The following IMMP2L variants were observed in gnomAD, a reference collection of about 807,000 sequenced individuals.
IMMP2L encodes the protein inner mitochondrial membrane peptidase subunit 2.
Under a neutral mutation model 19.3 loss-of-function variants are expected in IMMP2L, and 18 were observed. The observed-to-expected ratio is 0.93, with a 90% CI of 0.64 to 1.38. The LOEUF (loss-of-function observed/expected upper bound fraction) is 1.38, where lower values mean the gene tolerates loss of function less well. Ranked by LOEUF, IMMP2L falls within the 40% of genes most tolerant of loss-of-function variation. The pLI, the probability that IMMP2L is intolerant of heterozygous loss-of-function variation, is 0.00. For synonymous variants in IMMP2L, 76 were observed against 73.0 expected (o/e 1.04, Z -0.21); for missense variants, 233 against 218.2 (o/e 1.07, Z -0.43).
chr7:111,262,740 C>T (rs1394611755), intron 3 of IMMP2L, among the ~76,000 whole-genome samples: 2 of 152,098 alleles, frequency 1.3e-5, no homozygotes, highest in Non-Finnish European at 2.9e-5. Context: ...AATATTCCTG[C>T]TATGTGAAGT....
At chr7:111,037,436 T>C (rs2038922823) in intron 3 of IMMP2L, among the ~76,000 whole-genome samples, 1 of 152,118 alleles carries the variant, frequency 6.6e-6, no homozygotes, top group Non-Finnish European at 1.5e-5. Flanking sequence ...ATGAGTCTCC[T>C]TGGATAGGTT....
chr7:111,000,861 AC>A (rs368683919), intron 3 of IMMP2L, among the ~76,000 whole-genome samples: 2 of 146,084 alleles, frequency 1.4e-5, no homozygotes, highest in African/African-American at 2.6e-5. Flanking sequence ...AAAAAAAAAA[AC>A]AGATGGATGA....
At chr7:111,560,446 C>T (rs1258738857) in intron 1 of IMMP2L, among the ~76,000 whole-genome samples, 4 of 152,130 alleles carry the variant, frequency 2.6e-5, no homozygotes, top group Non-Finnish European at 4.4e-5. Context: ...AAGTTATCCT[C>T]ATCTAATTAT....
At chr7:111,407,284 A>C (rs1341128781) in intron 3 of IMMP2L, among the ~76,000 whole-genome samples, 1 of 152,036 alleles carries the variant, frequency 6.6e-6, no homozygotes, top group Non-Finnish European at 1.5e-5. Flanking sequence ...AATATATCAC[A>C]CAACTCAGCA....
intron 3 of IMMP2L, among the ~76,000 whole-genome samples, chr7:111,197,028 T>C (rs1005049234): frequency 2.6e-5 from 4 of 152,188 alleles, no homozygotes; most frequent in African/African-American, 9.7e-5. Flanking sequence ...CGAACTCTCT[T>C]GAATCCTCTT....
chr7:111,540,309 A>G (rs1387379521), intron 1 of IMMP2L, among the ~76,000 whole-genome samples: 1 of 152,184 alleles, frequency 6.6e-6, no homozygotes, highest in Non-Finnish European at 1.5e-5. Context: ...ATGAAGACTA[A>G]TAAGCAAAAA....
At chr7:110,700,800 A>G (rs1276104503) in intron 5 of IMMP2L, among the ~76,000 whole-genome samples, 1 of 152,236 alleles carries the variant, frequency 6.6e-6, no homozygotes, top group Non-Finnish European at 1.5e-5. Flanking sequence ...AAGAAATAAA[A>G]GCAAATTCAG....
chr7:111,189,917 G>C (rs1808690525), intron 3 of IMMP2L, among the ~76,000 whole-genome samples: 1 of 152,118 alleles, frequency 6.6e-6, no homozygotes, highest in African/African-American at 2.4e-5. Context: ...TTCAAACTCT[G>C]TGTGACTATA....
intron 3 of IMMP2L, among the ~76,000 whole-genome samples, chr7:111,199,109 T>A (rs370861773): frequency 6.6e-6 from 1 of 152,114 alleles, no homozygotes; most frequent in African/African-American, 2.4e-5. Context: ...TTAATTTACA[T>A]GTATTTGTGA....
intron 3 of IMMP2L, chr7:111,411,285 T>G (rs960873919): frequency 9.7e-6 from 2 of 205,780 alleles, no homozygotes; most frequent in African/African-American, 4.7e-5. Context: ...GATCAAATAT[T>G]TTTCAAAAAT....
At chr7:110,908,156 G>A (rs1467380775) in intron 4 of IMMP2L, among the ~76,000 whole-genome samples, 1 of 152,156 alleles carries the variant, frequency 6.6e-6, no homozygotes, top group Non-Finnish European at 1.5e-5. Context: ...TACAAAGGGA[G>A]GAAAAGCCTT....
chr7:111,152,013 A>G (rs1271095066), intron 3 of IMMP2L, among the ~76,000 whole-genome samples: 1 of 152,172 alleles, frequency 6.6e-6, no homozygotes. Context: ...ATAATAGTAT[A>G]ATAACTCTGT....
intron 5 of IMMP2L, among the ~76,000 whole-genome samples, chr7:110,702,678 T>C (rs919409951): frequency 1.3e-5 from 2 of 152,196 alleles, no homozygotes; most frequent in African/African-American, 2.4e-5. Flanking sequence ...AATGCTATTA[T>C]AAATAATATG....
Position 111,323,722 on chromosome 7 carries a change from C to A in IMMP2L, c.239+163516G>T, listed in dbSNP as rs181489439. Among the ~76,000 whole-genome samples, 272 of 152,176 alleles carry A rather than the reference C, an allele frequency of 1.8e-3. 4 individuals are homozygous for A. Among genetic ancestry groups the A allele is most frequent in the East Asian group, 3.7e-3 (19 of 5,182 alleles). ...TTTATTGCGGCACTATTCACAACAG[C>A]AAAGATTTGGAACCAACTCAAATGT... On this transcript the variant is annotated intron_variant, in intron 3 of 5. Transcript: ENST00000405709.
chr7:110,832,678 G>A (rs756841806), intron 5 of IMMP2L, among the ~76,000 whole-genome samples: 3 of 152,030 alleles, frequency 2.0e-5, no homozygotes, highest in Admixed American at 6.6e-5. Flanking sequence ...TGCACATAGT[G>A]ATAATAATAA....
intron 3 of IMMP2L, among the ~76,000 whole-genome samples, chr7:111,392,274 T>TG (rs1348573417): frequency 2.0e-5 from 3 of 152,126 alleles, no homozygotes; most frequent in Admixed American, 1.3e-4. Context: ...TAGCCACATA[T>TG]AAATGATCAA....
chr7:110,702,755 T>G (rs1414507343), intron 5 of IMMP2L, among the ~76,000 whole-genome samples: 1 of 152,184 alleles, frequency 6.6e-6, no homozygotes, highest in Non-Finnish European at 1.5e-5. Context: ...TTTTTGTATA[T>G]TGACCTGTAC....
At chr7:111,518,912 C>T (rs1205795720) in intron 2 of IMMP2L, among the ~76,000 whole-genome samples, 1 of 152,118 alleles carries the variant, frequency 6.6e-6, no homozygotes, top group Admixed American at 6.6e-5. Context: ...CTCCAATCCC[C>T]AATTCCCACA....
At chr7:111,090,099 CA>C (rs1796701083) in intron 3 of IMMP2L, among the ~76,000 whole-genome samples, 1 of 152,060 alleles carries the variant, frequency 6.6e-6, no homozygotes, top group Non-Finnish European at 1.5e-5. Context: ...TTCTCCTCAA[CA>C]AGATGTTTCT....
Sources: allele counts gnomAD v4.1 joint callset (sites outside exome capture counted in the v4.1 genomes callset), GRCh38; gene constraint gnomAD v4.1.1; transcripts MANE v1.5; gene names NCBI Gene and HGNC (gene_info 2026-07-23, HGNC 2026-07-21).